Variants in CSMD1 observed in about 807,000 individuals in gnomAD.
CSMD1 encodes the protein CUB and sushi domain-containing protein 1.
In CSMD1, 213 loss-of-function variants were observed where a neutral mutation model predicts 417.5. The observed-to-expected ratio is 0.51, with a 90% CI of 0.46 to 0.57. CSMD1 has a LOEUF of 0.57. CSMD1 is among the 20% of genes least tolerant of loss of function. CSMD1 has a pLI of 0.00. For synonymous variants in CSMD1, 2,862 were observed against 1,736.8 expected, an observed-to-expected ratio of 1.65 and a Z score of -16.11; for missense variants, 6,923 against 4,529.7, an observed-to-expected ratio of 1.53 and a Z score of -15.17.
chr8:3,588,375 T>C (rs1305502798), intron 8 of CSMD1, among the ~76,000 whole-genome samples: 1 of 151,574 alleles, frequency 6.6e-6, no homozygotes, highest in Non-Finnish European at 1.5e-5. Flanking sequence ...GACATGAGAG[T>C]CCTCGGGTAG....
chr8:4,377,496 T>C (rs1802831637), intron 3 of CSMD1, among the ~76,000 whole-genome samples: 2 of 152,142 alleles, frequency 1.3e-5, no homozygotes, highest in Non-Finnish European at 1.5e-5. Flanking sequence ...ATTTTAAAGG[T>C]TCTCCAAAGA....
rs74962223 is a variant in CSMD1 at position 4,453,362 on chromosome 8, T to C, written c.303-33297A>G. On this transcript the variant is annotated intron_variant, in intron 2 of 69. Coordinates refer to ENST00000635120, the MANE Select transcript of CSMD1 (RefSeq NM_033225.6). ...AACCAACTGCCCCAGTCTGCTGGGATTGGGGGTCTCCTGGGCACAGAACTT... is the reference window on the plus strand; with the variant it reads ...AACCAACTGCCCCAGTCTGCTGGGACTGGGGGTCTCCTGGGCACAGAACTT... 9.2e-5 allele frequency among the ~76,000 whole-genome samples: 14 copies of C among 152,252 alleles called. No individual in the cohort carries two copies. In the East Asian group the frequency reaches 1.2e-3, roughly 13 times the overall value.
At chr8:4,588,533 G>A (rs561968350) in intron 2 of CSMD1, among the ~76,000 whole-genome samples, 1 of 151,896 alleles carries the variant, frequency 6.6e-6, no homozygotes, top group Admixed American at 6.6e-5. Flanking sequence ...GGTGGCACAT[G>A]CCTGTAATCC....
intron 2 of CSMD1, among the ~76,000 whole-genome samples, chr8:4,594,115 C>G (rs1372562883): frequency 6.6e-6 from 1 of 151,156 alleles, no homozygotes; most frequent in African/African-American, 2.4e-5. Context: ...CAAGTTTCCC[C>G]TTTTTATAAG....
intron 3 of CSMD1, among the ~76,000 whole-genome samples, chr8:4,135,233 G>A (rs1803347306): frequency 3.3e-5 from 5 of 151,894 alleles, no homozygotes; most frequent in Admixed American, 3.3e-4. Context: ...GCTGTCCCAT[G>A]GGAATATATT....
intron 5 of CSMD1, among the ~76,000 whole-genome samples, chr8:3,992,437 G>A (rs1232691165): frequency 6.6e-6 from 1 of 152,088 alleles, no homozygotes; most frequent in Non-Finnish European, 1.5e-5. Flanking sequence ...AAGTGTTGAG[G>A]TGCATAGCTT....
At chr8:4,630,500 A>G (rs1409315503) in intron 2 of CSMD1, among the ~76,000 whole-genome samples, 1 of 152,170 alleles carries the variant, frequency 6.6e-6, no homozygotes, top group Non-Finnish European at 1.5e-5. Flanking sequence ...AACAAAAACA[A>G]AAATACTCAA....
At chr8:4,004,693 G>C (rs993857408) in intron 4 of CSMD1, among the ~76,000 whole-genome samples, 2 of 151,940 alleles carry the variant, frequency 1.3e-5, no homozygotes, top group African/African-American at 4.8e-5. Context: ...AGCTGGTTAG[G>C]TTACAAAGTT....
At chr8:3,707,290 G>A (rs60887719) in intron 7 of CSMD1, among the ~76,000 whole-genome samples, 2 of 140,362 alleles carry the variant, frequency 1.4e-5, no homozygotes, top group Admixed American at 7.2e-5. Flanking sequence ...GTCTGCTCTA[G>A]CATGCAGATG....
rs78336679 is a variant in CSMD1 at position 4,912,414 on chromosome 8, A to G, written c.85+81918T>C. On this transcript the variant is annotated intron_variant, in intron 1 of 69. Transcript: ENST00000635120. The stretch of plus-strand genomic sequence containing the variant: ...AACTTGCTGTGGGGTTGTCTAGATC[A>G]ATGCCATTGCAGAAAGGCTGGACAA... Among the ~76,000 whole-genome samples, 34 of 151,500 alleles carry G rather than the reference A, an allele frequency of 2.2e-4. No individual in the cohort carries two copies. The South Asian group carries it at 3.3e-3, about 15-fold the overall frequency.
intron 47 of CSMD1, among the ~76,000 whole-genome samples, chr8:3,094,650 A>C (rs1316679436): frequency 6.6e-6 from 1 of 152,186 alleles, no homozygotes; most frequent in Non-Finnish European, 1.5e-5. Context: ...GAGTTTCATA[A>C]TGATTAAAAT....
chr8:3,736,236 T>TTTTTG (rs369485005), intron 6 of CSMD1, among the ~76,000 whole-genome samples: 4 of 152,060 alleles, frequency 2.6e-5, no homozygotes, highest in Admixed American at 6.6e-5. Flanking sequence ...TGTGTGTATT[T>TTTTTG]TTTTGTTTTG....
At chr8:3,778,620 A>C (rs897109959) in intron 5 of CSMD1, among the ~76,000 whole-genome samples, 1 of 152,058 alleles carries the variant, frequency 6.6e-6, no homozygotes, top group Non-Finnish European at 1.5e-5. Flanking sequence ...TCTGTTCTGC[A>C]CCTCTCCTTC....
In CSMD1 at chr8:4,186,258, G is replaced by A. The variant is rs890600459; in HGVS notation, c.416-154159C>T. ...GTTGCCATACTCACTGCAGCAGAGGGGAAAGTGTAAAATTACAAGAGAAGG... is the reference window on the plus strand; with the variant it reads ...GTTGCCATACTCACTGCAGCAGAGGAGAAAGTGTAAAATTACAAGAGAAGG... On this transcript the variant is annotated intron_variant, in intron 3 of 69. Coordinates refer to ENST00000635120, the MANE Select transcript of CSMD1 (RefSeq NM_033225.6). 5.9e-5 allele frequency among the ~76,000 whole-genome samples: 9 copies of A among 152,204 alleles called. No homozygotes were observed. In the Middle Eastern group the frequency reaches 0.01, roughly 174 times the overall value.
At chr8:4,001,699 A>G (rs988277242) in intron 4 of CSMD1, among the ~76,000 whole-genome samples, 1 of 152,178 alleles carries the variant, frequency 6.6e-6, no homozygotes, top group Non-Finnish European at 1.5e-5. Context: ...GAATGAGTGG[A>G]TCATGGAGAC....
intron 26 of CSMD1, among the ~76,000 whole-genome samples, chr8:3,234,904 C>G (rs2116931961): frequency 6.6e-6 from 1 of 152,298 alleles, no homozygotes; most frequent in Admixed American, 6.5e-5. Context: ...CTATGATCAA[C>G]TGTTGTTGAG....
At chr8:4,031,474 C>T (rs1261028790) in intron 4 of CSMD1, among the ~76,000 whole-genome samples, 5 of 152,084 alleles carry the variant, frequency 3.3e-5, no homozygotes, top group Non-Finnish European at 1.5e-5. Context: ...GCACAGGAAA[C>T]ACTTACCCCC....
chr8:3,688,933 TTAAG>T (rs1800088403), intron 7 of CSMD1, among the ~76,000 whole-genome samples: 1 of 151,952 alleles, frequency 6.6e-6, no homozygotes, highest in Admixed American at 6.6e-5. Flanking sequence ...AAAGTGAAAA[TTAAG>T]TAATTAAATG....
chr8:4,643,018 G>C (rs1803298706), intron 1 of CSMD1, among the ~76,000 whole-genome samples: 1 of 152,274 alleles, frequency 6.6e-6, no homozygotes, highest in African/African-American at 2.4e-5. Context: ...AAAGACTTGG[G>C]AATGTATAAT....
Sources: gnomAD v4.1 joint callset for allele counts (sites outside exome capture counted in the v4.1 genomes callset) on GRCh38, gnomAD v4.1.1 for gene constraint, MANE v1.5 for transcripts, NCBI Gene and HGNC (gene_info 2026-07-23, HGNC 2026-07-21) for gene names.